Variants in CNOT8 observed in about 807,000 individuals in gnomAD.
The protein encoded by CNOT8 is CCR4-NOT transcription complex subunit 8.
CNOT8 carries 18 observed loss-of-function variants against 34.6 expected under a neutral mutation model. The observed-to-expected ratio is 0.52, with a 90% confidence interval of 0.36 to 0.77. CNOT8 has a LOEUF of 0.77. Ranked by LOEUF, CNOT8 falls within the 30% of genes least tolerant of loss-of-function variation. CNOT8 has a pLI of 0.00. For synonymous variants in CNOT8, 101 were observed against 118.8 expected (o/e 0.85, Z 0.98); for missense variants, 189 against 347.9 (o/e 0.54, Z 3.63).
At chr5:154,866,477 T>C (rs950639352) in intron 3 of CNOT8, among the ~76,000 whole-genome samples, 2 of 152,230 alleles carry the variant, frequency 1.3e-5, no homozygotes, top group Non-Finnish European at 1.5e-5. Flanking sequence ...TGGGAGATCA[T>C]CTGGATCTTT....
chr5:154,870,654 T>G lies in CNOT8; in HGVS notation c.312-7T>G. On this transcript the variant is annotated splice_region_variant and splice_polypyrimidine_tract_variant and intron_variant, in intron 3 of 6. Coordinates refer to ENST00000285896, the MANE Select transcript of CNOT8 (RefSeq NM_001301073.2). ...ACCAGTTAATAAATAAACACCTTGTTTTTTAGAGAGGACATGTACTCCCAG... is the reference window on the plus strand; with the variant it reads ...ACCAGTTAATAAATAAACACCTTGTGTTTTAGAGAGGACATGTACTCCCAG... 1 of 1,608,782 alleles carries G rather than the reference T, an allele frequency of 6.2e-7. No homozygotes were observed. The highest frequency in any genetic ancestry group is 8.5e-7 in the Non-Finnish European group (1 of 1,177,752).
In CNOT8 at chr5:154,863,447, C is replaced by G. The variant is rs191135437; in HGVS notation, c.117+52C>G. On this transcript the variant is annotated intron_variant, in intron 2 of 6. Coordinates refer to ENST00000285896, the MANE Select transcript of CNOT8 (RefSeq NM_001301073.2). ...TCTTTGTCACTTTTAAAGTTGGGGTCTTGCTCTGTTGCCCAGGCTGGAGTG... is the reference window on the plus strand; with the variant it reads ...TCTTTGTCACTTTTAAAGTTGGGGTGTTGCTCTGTTGCCCAGGCTGGAGTG... 120 of 1,359,008 alleles carry G rather than the reference C, an allele frequency of 8.8e-5. No homozygotes were observed. The African/African-American group carries it at 1.5e-3, about 16-fold the overall frequency. The allele number at this position is 1,359,008 out of a possible 1,614,324, so 84.2% of individuals were successfully genotyped here. A position where few individuals can be genotyped will look rare whatever the true frequency, so the allele number is the denominator to read the frequency against.
At chr5:154,862,956 T>C (rs1303812023) in intron 1 of CNOT8, among the ~76,000 whole-genome samples, 1 of 152,216 alleles carries the variant, frequency 6.6e-6, no homozygotes, top group East Asian at 1.9e-4. Flanking sequence ...GTTTCACTTC[T>C]GTGGCAGAGG....
Position 154,864,808 on chromosome 5 carries a change from C to T in CNOT8, c.118-384C>T, listed in dbSNP as rs541326240. On this transcript the variant is annotated intron_variant, in intron 2 of 6. Coordinates refer to ENST00000285896, the MANE Select transcript of CNOT8 (RefSeq NM_001301073.2). The stretch of plus-strand genomic sequence containing the variant: ...TTGGCTGATGCCTGTAATCTGTGCA[C>T]TTTGGGAGGCCGAGGCAGGTGGATC... Among the ~76,000 whole-genome samples the T allele has an allele frequency of 1.2e-4, 19 of 152,244 alleles. No homozygotes were observed. In the East Asian group the frequency reaches 2.7e-3, roughly 22 times the overall value.
rs944454524 is a variant in CNOT8 at position 154,875,579 on chromosome 5, T to G, written c.*140T>G. On this transcript the variant is annotated 3_prime_UTR_variant, in exon 7 of 7. Coordinates refer to ENST00000285896, the MANE Select transcript of CNOT8 (RefSeq NM_001301073.2). ...TGCATTGAGCAGAAAGACTTTTGTT[T>G]TACTGAAGACAAAAGATGTTTTTAT... 3.4e-6 allele frequency: 3 copies of G among 893,886 alleles called. No individual in the cohort carries two copies. The highest frequency in any genetic ancestry group is 4.9e-6 in the Non-Finnish European group (3 of 615,838). The allele number at this position is 893,886 out of a possible 1,614,324, so 55.4% of individuals were successfully genotyped here.
At chr5:154,869,180 C>T (rs1425255068) in intron 3 of CNOT8, among the ~76,000 whole-genome samples, 2 of 151,770 alleles carry the variant, frequency 1.3e-5, no homozygotes, top group Admixed American at 6.6e-5. Flanking sequence ...AGTGTGATGG[C>T]GCTTTCTCAG....
At chr5:154,865,499 A>G (rs1761779401) in intron 3 of CNOT8, 114 bp downstream of exon 3, 3 of 631,128 alleles carry the variant, frequency 4.8e-6, no homozygotes, top group Non-Finnish European at 5.1e-6. Context: ...CAGCAAGTGA[A>G]GTCCTGCTTA....
rs910560248 is a variant in CNOT8 at position 154,864,774 on chromosome 5, C to T, written c.118-418C>T. On this transcript the variant is annotated intron_variant, in intron 2 of 6. Transcript: ENST00000285896. ...TCAGTATTTTAAGATAGGATTTTGGCTGGGTGTGTTGGCTGATGCCTGTAA... is the reference window on the plus strand; with the variant it reads ...TCAGTATTTTAAGATAGGATTTTGGTTGGGTGTGTTGGCTGATGCCTGTAA... Among the ~76,000 whole-genome samples, 5 of 152,252 alleles carry T rather than the reference C, an allele frequency of 3.3e-5. No individual in the cohort carries two copies. The South Asian group carries it at 1.0e-3, about 32-fold the overall frequency.
chr5:154,869,627 T>TG (rs1762271764), intron 3 of CNOT8, among the ~76,000 whole-genome samples: 247 of 26,154 alleles, frequency 9.4e-3, no homozygotes, highest in Non-Finnish European at 0.019. Flanking sequence ...TTTTTTTGTG[T>TG]TTTTTTTTTT....
intron 6 of CNOT8, 50 bp downstream of exon 6, chr5:154,872,701 A>C (rs1343828311): frequency 9.2e-7 from 1 of 1,083,676 alleles, no homozygotes; most frequent in East Asian, 2.5e-5. Flanking sequence ...AACTTGCTGA[A>C]GGCTAAGGAG....
At chr5:154,858,572 T>C (rs963315805), upstream of CNOT8, 1 of 152,218 alleles carries the variant, frequency 6.6e-6, no homozygotes, top group African/African-American at 2.4e-5. Flanking sequence ...TCCGGTTGTT[T>C]GGTGGGAGGC....
intron 6 of CNOT8, among the ~76,000 whole-genome samples, chr5:154,874,852 G>GT (rs908281259): frequency 2.6e-4 from 40 of 151,404 alleles, no homozygotes; most frequent in African/African-American, 7.8e-4. Flanking sequence ...TATACTATTA[G>GT]TTTTTTTTTC....
At chr5:154,860,330 T>C (rs1761209344) in intron 1 of CNOT8, among the ~76,000 whole-genome samples, 1 of 152,132 alleles carries the variant, frequency 6.6e-6, no homozygotes, top group African/African-American at 2.4e-5. Context: ...TGAGACGTGC[T>C]CTTGCTCAGT....
intron 1 of CNOT8, among the ~76,000 whole-genome samples, chr5:154,861,218 T>G (rs1216671586): frequency 6.6e-6 from 1 of 152,244 alleles, no homozygotes; most frequent in Non-Finnish European, 1.5e-5. Context: ...ACATTCATTC[T>G]GAACTTCTCT....
chr5:154,867,368 T>C (rs1320018887), intron 3 of CNOT8, among the ~76,000 whole-genome samples: 1 of 152,200 alleles, frequency 6.6e-6, no homozygotes, highest in Non-Finnish European at 1.5e-5. Flanking sequence ...ATACGACCAT[T>C]AATTTTTTCA....
chr5:154,861,969 A>G (rs552047467), intron 1 of CNOT8, among the ~76,000 whole-genome samples: 5 of 152,360 alleles, frequency 3.3e-5, no homozygotes, highest in African/African-American at 9.6e-5. Context: ...AAGTGCTGAG[A>G]TTATAGGCGT....
chr5:154,869,347 G>A (rs559984018), intron 3 of CNOT8, among the ~76,000 whole-genome samples: 4 of 150,890 alleles, frequency 2.7e-5, no homozygotes, highest in African/African-American at 9.7e-5. Context: ...TCGAACTCCC[G>A]ACCTCAGGTG....
At chr5:154,871,608 C>T in intron 4 of CNOT8, 122 bp from the exon 5 acceptor site, 1 of 471,788 alleles carries the variant, frequency 2.1e-6, no homozygotes, top group East Asian at 5.0e-5. Flanking sequence ...CGATAAACTA[C>T]TCAGAAAAAG....
In CNOT8 at chr5:154,863,253, A is replaced by G; in HGVS notation, c.-26A>G. ...CTTGCACTGTAAAACTAGTTAGCTG[A>G]AGACGACTTCTCAGGTTTCTTCAGG... On this transcript the variant is annotated 5_prime_UTR_variant, in exon 2 of 7. Transcript: ENST00000285896. 1 of 1,551,544 alleles carries G rather than the reference A, an allele frequency of 6.4e-7. No individual in the cohort carries two copies.
Sources: gnomAD v4.1 joint callset for allele counts (sites outside exome capture counted in the v4.1 genomes callset) on GRCh38, gnomAD v4.1.1 for gene constraint, MANE v1.5 for transcripts, NCBI Gene and HGNC (gene_info 2026-07-23, HGNC 2026-07-21) for gene names.